The following ROBO2 variants were observed in gnomAD, a reference collection of about 807,000 sequenced individuals.
ROBO2 encodes the protein roundabout homolog 2.
In ROBO2, 53 loss-of-function variants were observed where a neutral mutation model predicts 160.8. The ratio of observed to expected loss-of-function variants is 0.33; its 90% CI spans 0.26 to 0.41. The LOEUF (loss-of-function observed/expected upper bound fraction) is 0.41. Ranked by LOEUF, ROBO2 falls within the 10% of genes least tolerant of loss-of-function variation. The pLI, the probability that ROBO2 is intolerant of heterozygous loss-of-function variation, is 1.00. For missense variants in ROBO2, 1,577 were observed against 1,722.4 expected, an observed-to-expected ratio of 0.92 and a Z score of 1.49; for synonymous variants, 664 against 611.7, an observed-to-expected ratio of 1.09 and a Z score of -1.26.
At chr3:76,718,262 A>G (rs1211106414) in intron 2 of ROBO2, among the ~76,000 whole-genome samples, 2 of 152,190 alleles carry the variant, frequency 1.3e-5, no homozygotes, top group East Asian at 1.9e-4. Flanking sequence ...GAGAACAGCT[A>G]TTGCTACCAT....
intron 2 of ROBO2, among the ~76,000 whole-genome samples, chr3:77,265,872 A>G (rs1401494262): frequency 6.6e-6 from 1 of 152,168 alleles, no homozygotes; most frequent in Non-Finnish European, 1.5e-5. Flanking sequence ...TCAATAGACT[A>G]CTTTGGAGTA....
intron 2 of ROBO2, among the ~76,000 whole-genome samples, chr3:77,459,030 G>A (rs1050317391): frequency 1.3e-5 from 2 of 152,082 alleles, no homozygotes. Context: ...TGACCATTTA[G>A]TAGACACTGT....
At chr3:77,643,673 T>C (rs1035734257) in intron 24 of ROBO2, among the ~76,000 whole-genome samples, 1 of 152,156 alleles carries the variant, frequency 6.6e-6, no homozygotes, top group East Asian at 1.9e-4. Flanking sequence ...CACATACACA[T>C]ACACACAATC....
chr3:77,275,827 CTTAAT>C (rs2059791201), intron 2 of ROBO2, among the ~76,000 whole-genome samples: 2 of 152,052 alleles, frequency 1.3e-5, no homozygotes, highest in South Asian at 2.1e-4. Context: ...ATTATTTTCT[CTTAAT>C]TTAGTTATAG....
intron 2 of ROBO2, among the ~76,000 whole-genome samples, chr3:76,214,800 C>T (rs1337992810): frequency 6.6e-6 from 1 of 152,334 alleles, no homozygotes; most frequent in African/African-American, 2.4e-5. Context: ...TGTCTGACAG[C>T]TTTGAAGAGA....
intron 23 of ROBO2, among the ~76,000 whole-genome samples, chr3:77,622,937 T>A (rs2094930960): frequency 6.6e-6 from 1 of 152,184 alleles, no homozygotes; most frequent in South Asian, 2.1e-4. Flanking sequence ...AAACCATATG[T>A]TTATGCATTT....
chr3:76,248,965 C>G (rs1363451604), intron 2 of ROBO2, among the ~76,000 whole-genome samples: 1 of 152,086 alleles, frequency 6.6e-6, no homozygotes, highest in African/African-American at 2.4e-5. Context: ...AATTTTCTAA[C>G]ATGATTGACT....
intron 1 of ROBO2, among the ~76,000 whole-genome samples, chr3:77,066,164 G>A (rs2066818817): frequency 1.3e-5 from 2 of 152,020 alleles, no homozygotes; most frequent in African/African-American, 2.4e-5. Context: ...AGTTGGGTGT[G>A]ATTATGGGAA....
chr3:77,367,533 C>T (rs1398111721), intron 2 of ROBO2, among the ~76,000 whole-genome samples: 4 of 152,162 alleles, frequency 2.6e-5, no homozygotes, highest in Non-Finnish European at 5.9e-5. Flanking sequence ...AAAAAGAAGA[C>T]ATTCAACATG....
chr3:77,543,306 G>T (rs1210770518), intron 6 of ROBO2, among the ~76,000 whole-genome samples: 1 of 152,030 alleles, frequency 6.6e-6, no homozygotes, highest in African/African-American at 2.4e-5. Context: ...TCTGCCACAG[G>T]GCAAGAACAA....
At chr3:77,202,837 C>T (rs2083041728) in intron 2 of ROBO2, among the ~76,000 whole-genome samples, 1 of 152,084 alleles carries the variant, frequency 6.6e-6, no homozygotes, top group South Asian at 2.1e-4. Context: ...AATTTTTCAC[C>T]TTCTCAAGAT....
chr3:77,031,950 G>C (rs1405939194), intron 2 of ROBO2, among the ~76,000 whole-genome samples: 1 of 152,006 alleles, frequency 6.6e-6, no homozygotes, highest in African/African-American at 2.4e-5. Flanking sequence ...TCTGGTGAGG[G>C]CTCTATTTCT....
intron 2 of ROBO2, among the ~76,000 whole-genome samples, chr3:75,998,714 T>A (rs1025498003): frequency 3.9e-5 from 6 of 152,112 alleles, no homozygotes; most frequent in Non-Finnish European, 8.8e-5. Flanking sequence ...AAGAGAAAAA[T>A]TAAGTACTAA....
At chr3:77,294,113 G>C (rs1306285607) in intron 2 of ROBO2, among the ~76,000 whole-genome samples, 1 of 141,678 alleles carries the variant, frequency 7.1e-6, no homozygotes, top group East Asian at 2.0e-4. Flanking sequence ...CGGGTAAGCT[G>C]AGGCTAGATC....
chr3:76,787,563 A>G (rs559987217), intron 2 of ROBO2, among the ~76,000 whole-genome samples: 1 of 151,466 alleles, frequency 6.6e-6, no homozygotes, highest in Non-Finnish European at 1.5e-5. Flanking sequence ...TTTCTGCAAT[A>G]TAATTGTAAA....
At chr3:76,970,408 A>G (rs2149278691) in intron 2 of ROBO2, among the ~76,000 whole-genome samples, 1 of 152,330 alleles carries the variant, frequency 6.6e-6, no homozygotes, top group African/African-American at 2.4e-5. Flanking sequence ...TATTTAATGC[A>G]TACTTGAGAG....
intron 2 of ROBO2, among the ~76,000 whole-genome samples, chr3:76,069,993 T>A (rs1012412351): frequency 3.9e-5 from 6 of 152,232 alleles, no homozygotes; most frequent in African/African-American, 1.4e-4. Context: ...CCTTGTGATT[T>A]CCTATGCCTG....
intron 1 of ROBO2, among the ~76,000 whole-genome samples, chr3:77,077,032 C>CA (rs1190302385): frequency 2.0e-5 from 3 of 151,864 alleles, no homozygotes; most frequent in Non-Finnish European, 4.4e-5. Flanking sequence ...AAGTCTTAGG[C>CA]AAAAAAACAC....
At chr3:76,508,409 TA>T (rs749372541) in intron 2 of ROBO2, among the ~76,000 whole-genome samples, 2 of 152,074 alleles carry the variant, frequency 1.3e-5, no homozygotes, top group Non-Finnish European at 2.9e-5. Flanking sequence ...TGAAAAAAAA[TA>T]AGATTAAATA....
Sources: gnomAD v4.1 joint callset for allele counts (sites outside exome capture counted in the v4.1 genomes callset) on GRCh38, gnomAD v4.1.1 for gene constraint, MANE v1.5 for transcripts, NCBI Gene and HGNC (gene_info 2026-07-23, HGNC 2026-07-21) for gene names.